The following PLEKHM3 variants were observed in gnomAD, a reference collection of about 807,000 sequenced individuals.
PLEKHM3 encodes pleckstrin homology domain-containing family M member 3.
Under a neutral mutation model 81.8 loss-of-function variants are expected in PLEKHM3, and 45 were observed. That is an observed-to-expected ratio of 0.55 (90% CI 0.43 to 0.71). The LOEUF is 0.71. Ranked by LOEUF, PLEKHM3 falls within the 30% of genes least tolerant of loss-of-function variation. PLEKHM3 has a pLI of 0.00. For synonymous variants in PLEKHM3, 352 were observed against 356.4 expected (o/e 0.99, Z 0.14); for missense variants, 788 against 924.3 (o/e 0.85, Z 1.91).
In PLEKHM3 at chr2:208,001,632, G is replaced by C; in HGVS notation, c.8C>G (p.Ala3Gly). Residue 3 changes from alanine to glycine, a missense_variant, in exon 2 of 8, where the codon GCT becomes GGT. Transcript: ENST00000427836. ...TGGGCTGATATCATCCACTTCCAAA[G>C]CTTCCATGTCACAGGCTCCAGGAGG... ME[A>G]LEVDDISPAL... is the part of the protein sequence containing the mutation. The C allele has an allele frequency of 6.2e-7, 1 of 1,612,874 alleles. No homozygotes were observed. The highest frequency in any genetic ancestry group is 8.5e-7 in the Non-Finnish European group (1 of 1,179,436).
intron 2 of PLEKHM3, among the ~76,000 whole-genome samples, chr2:207,997,172 G>C (rs1299721225): frequency 6.6e-6 from 1 of 152,160 alleles, no homozygotes; most frequent in African/African-American, 2.4e-5. Flanking sequence ...GCCTCCTTCA[G>C]ACCAGGCTTC....
intron 2 of PLEKHM3, among the ~76,000 whole-genome samples, chr2:207,989,139 G>A (rs1691815906): frequency 6.6e-6 from 1 of 152,172 alleles, no homozygotes; most frequent in Non-Finnish European, 1.5e-5. Context: ...CCAGAGGCTA[G>A]CTCCATAAAT....
chr2:207,942,849 G>A (rs1196118478), intron 4 of PLEKHM3, among the ~76,000 whole-genome samples: 1 of 152,092 alleles, frequency 6.6e-6, no homozygotes, highest in Non-Finnish European at 1.5e-5. Context: ...GCAGTGAGCC[G>A]AGATTGCACC....
chr2:208,008,501 C>CAAAAAAA (rs59305459), intron 1 of PLEKHM3, among the ~76,000 whole-genome samples: 52 of 83,718 alleles, frequency 6.2e-4, no homozygotes, highest in African/African-American at 2.3e-3. Flanking sequence ...CTAACCTTGC[C>CAAAAAAA]AAAAAAAAAA....
chr2:207,999,367 C>A (rs992514998), intron 2 of PLEKHM3, among the ~76,000 whole-genome samples: 3 of 152,058 alleles, frequency 2.0e-5, no homozygotes, highest in Admixed American at 1.3e-4. Flanking sequence ...GTAATCCCAG[C>A]TACTTGGGTG....
intron 5 of PLEKHM3, among the ~76,000 whole-genome samples, chr2:207,926,252 A>G (rs1689389914): frequency 6.6e-6 from 1 of 152,198 alleles, no homozygotes. Flanking sequence ...GAGAAACCAG[A>G]AAGCTTCACT....
intron 6 of PLEKHM3, among the ~76,000 whole-genome samples, chr2:207,872,031 C>A (rs1200564485): frequency 6.6e-6 from 1 of 152,176 alleles, no homozygotes; most frequent in East Asian, 1.9e-4. Context: ...ACCTTCGTTA[C>A]TTAATATATG....
Position 207,860,994 on chromosome 2 carries a change from C to T in PLEKHM3, c.2108+111G>A, listed in dbSNP as rs1304380792. ...CTCCAAGAACAAGGAAAACCTGATC[C>T]AGGGTAAGAGACAGAGATACACTAC... On this transcript the variant is annotated intron_variant, in intron 7 of 7. Coordinates refer to ENST00000427836, the MANE Select transcript of PLEKHM3 (RefSeq NM_001080475.3). The T allele has an allele frequency of 5.6e-6, 7 of 1,258,068 alleles. No individual in the cohort carries two copies. In the African/African-American group the frequency reaches 9.1e-5, roughly 16 times the overall value. The allele number at this position is 1,258,068 out of a possible 1,614,324, so 77.9% of individuals were successfully genotyped here. A position where few individuals can be genotyped will look rare whatever the true frequency, so the allele number is the denominator to read the frequency against.
At chr2:207,887,053 G>A (rs1449769986) in intron 6 of PLEKHM3, among the ~76,000 whole-genome samples, 1 of 152,148 alleles carries the variant, frequency 6.6e-6, no homozygotes, top group African/African-American at 2.4e-5. Flanking sequence ...CCTTAGAACA[G>A]TAAACAGCAT....
chr2:207,871,988 A>G (rs538679367), intron 6 of PLEKHM3, among the ~76,000 whole-genome samples: 2 of 152,326 alleles, frequency 1.3e-5, no homozygotes, highest in African/African-American at 4.8e-5. Flanking sequence ...TGAGCAGTAA[A>G]TGAGGAAAAG....
rs548250111 is a variant in PLEKHM3 at position 208,018,137 on chromosome 2, G to C, written c.-319+7252C>G. Among the ~76,000 whole-genome samples, 8 of 152,228 alleles carry C rather than the reference G, an allele frequency of 5.3e-5. No homozygotes were observed. In the East Asian group the frequency reaches 1.5e-3, roughly 29 times the overall value. On this transcript the variant is annotated intron_variant, in intron 1 of 7. Transcript: ENST00000427836. Reference sequence around the variant, plus strand: ...CGCCTGTAATCCCAGCACTTTGGGAGGCCAAGGCGGGTGGATCACAAGGTC... The same window carrying C: ...CGCCTGTAATCCCAGCACTTTGGGACGCCAAGGCGGGTGGATCACAAGGTC...
chr2:207,949,359 G>A (rs1400343033), intron 3 of PLEKHM3, among the ~76,000 whole-genome samples: 1 of 152,148 alleles, frequency 6.6e-6, no homozygotes, highest in African/African-American at 2.4e-5. Flanking sequence ...ACCAGCCTGA[G>A]CAACATGGTG....
intron 7 of PLEKHM3, among the ~76,000 whole-genome samples, chr2:207,855,133 G>T (rs1057044536): frequency 4.6e-5 from 7 of 152,104 alleles, no homozygotes; most frequent in Admixed American, 6.6e-5. Flanking sequence ...ACACATGTCT[G>T]TTCCTAGGAT....
intron 1 of PLEKHM3, among the ~76,000 whole-genome samples, chr2:208,004,321 G>A (rs904765039): frequency 6.6e-6 from 1 of 152,024 alleles, no homozygotes; most frequent in African/African-American, 2.4e-5. Context: ...AGGCTGAGGT[G>A]GGAGGAGGAT....
chr2:207,905,695 C>A (rs1353838691), intron 6 of PLEKHM3, among the ~76,000 whole-genome samples: 1 of 152,112 alleles, frequency 6.6e-6, no homozygotes, highest in Non-Finnish European at 1.5e-5. Flanking sequence ...AAGTTTGGGG[C>A]TCTTAAAGCC....
At chr2:207,907,861 G>C in intron 6 of PLEKHM3, among the ~76,000 whole-genome samples, 1 of 152,108 alleles carries the variant, frequency 6.6e-6, no homozygotes, top group Admixed American at 6.5e-5. Flanking sequence ...CTCTCCCCAG[G>C]CCCTGGCAAT....
chr2:207,867,046 C>G (rs1169410098), intron 6 of PLEKHM3, among the ~76,000 whole-genome samples: 1 of 152,352 alleles, frequency 6.6e-6, no homozygotes, highest in East Asian at 1.9e-4. Flanking sequence ...AGGGCAAAGA[C>G]AGTCTCATAC....
intron 5 of PLEKHM3, among the ~76,000 whole-genome samples, chr2:207,917,864 G>A (rs534993898): frequency 6.6e-5 from 10 of 152,060 alleles, no homozygotes; most frequent in Non-Finnish European, 1.3e-4. Context: ...TGCCCTAAGA[G>A]ACATGTTCTT....
chr2:207,972,770 G>A (rs767511391), intron 3 of PLEKHM3, among the ~76,000 whole-genome samples: 2 of 152,012 alleles, frequency 1.3e-5, no homozygotes, highest in African/African-American at 2.4e-5. Context: ...CATAACCTCA[G>A]GCATTTTTGC....
Sources: gnomAD v4.1 joint callset for allele counts (sites outside exome capture counted in the v4.1 genomes callset) on GRCh38, gnomAD v4.1.1 for gene constraint, MANE v1.5 for transcripts, NCBI Gene and HGNC (gene_info 2026-07-23, HGNC 2026-07-21) for gene names.